The following TAFA2 variants were observed in gnomAD, a reference collection of about 807,000 sequenced individuals.
The protein encoded by TAFA2 is chemokine-like protein TAFA-2.
In TAFA2, 7 loss-of-function variants were observed where a neutral mutation model predicts 18.8. That is an observed-to-expected ratio of 0.37 (90% CI 0.21 to 0.70). The LOEUF (loss-of-function observed/expected upper bound fraction) is 0.70. Among genes scored for constraint, TAFA2 ranks in the 30% least tolerant of loss-of-function variants. TAFA2 has a pLI of 0.53. For missense variants in TAFA2, 122 were observed against 158.1 expected (o/e 0.77, Z 1.23); for synonymous variants, 60 against 54.2 (o/e 1.11, Z -0.47).
chr12:62,035,451 G>A (rs1474836989), intron 1 of TAFA2, among the ~76,000 whole-genome samples: 5 of 152,020 alleles, frequency 3.3e-5, no homozygotes, highest in Admixed American at 2.6e-4. Context: ...TTTGAGGAGT[G>A]CTATTCACTG....
At chr12:61,935,976 A>G (rs1877748475) in intron 1 of TAFA2, among the ~76,000 whole-genome samples, 1 of 152,170 alleles carries the variant, frequency 6.6e-6, no homozygotes, top group Admixed American at 6.5e-5. Context: ...AAGATTAATA[A>G]AGAGAGAATC....
chr12:62,086,400 G>T (rs1376270669), intron 1 of TAFA2, among the ~76,000 whole-genome samples: 2 of 152,018 alleles, frequency 1.3e-5, no homozygotes, highest in African/African-American at 4.8e-5. Context: ...TCATATACCT[G>T]ATAAGGGAAT....
chr12:62,021,197 C>A (rs937617670), intron 1 of TAFA2, among the ~76,000 whole-genome samples: 1 of 152,158 alleles, frequency 6.6e-6, no homozygotes, highest in Non-Finnish European at 1.5e-5. Context: ...TACAAGTAAT[C>A]TCATAATATT....
intron 1 of TAFA2, among the ~76,000 whole-genome samples, chr12:62,110,205 C>T (rs536043069): frequency 3.9e-5 from 6 of 152,224 alleles, no homozygotes; most frequent in South Asian, 2.1e-4. Flanking sequence ...TGAATTTTAT[C>T]GAAGGCCTTT....
At chr12:62,110,025 A>AGTG (rs1284719196) in intron 1 of TAFA2, among the ~76,000 whole-genome samples, 2 of 152,124 alleles carry the variant, frequency 1.3e-5, no homozygotes, top group African/African-American at 4.8e-5. Context: ...GTTGAATAGG[A>AGTG]GTGGTGAGAG....
intron 1 of TAFA2, among the ~76,000 whole-genome samples, chr12:62,209,343 C>T (rs1442711771): frequency 6.6e-6 from 1 of 152,212 alleles, no homozygotes; most frequent in African/African-American, 2.4e-5. Context: ...ACTTCTTCTT[C>T]CTGCTGCCTT....
chr12:62,027,190 G>A (rs769559512), intron 1 of TAFA2, among the ~76,000 whole-genome samples: 4 of 152,064 alleles, frequency 2.6e-5, no homozygotes, highest in Non-Finnish European at 5.9e-5. Flanking sequence ...GTTCTATGCT[G>A]GACCAAGGAT....
intron 1 of TAFA2, among the ~76,000 whole-genome samples, chr12:62,151,731 A>G (rs191057846): frequency 5.7e-4 from 87 of 152,354 alleles, no homozygotes; most frequent in African/African-American, 2.0e-3. Context: ...TCTTGTACAT[A>G]AAATAGAAAT....
intron 1 of TAFA2, among the ~76,000 whole-genome samples, chr12:62,133,854 T>C (rs1438457501): frequency 6.6e-6 from 1 of 152,084 alleles, no homozygotes; most frequent in Non-Finnish European, 1.5e-5. Context: ...GCTAGCTTCG[T>C]GGCTTTGCCA....
intron 1 of TAFA2, among the ~76,000 whole-genome samples, chr12:61,936,882 T>C (rs1276632702): frequency 6.6e-6 from 1 of 152,136 alleles, no homozygotes; most frequent in Non-Finnish European, 1.5e-5. Context: ...AAACTATCAC[T>C]GTTCACCAAT....
intron 2 of TAFA2, among the ~76,000 whole-genome samples, chr12:61,794,709 GC>G (rs1274617389): frequency 6.6e-6 from 1 of 151,590 alleles, no homozygotes. Context: ...GACATAAAAT[GC>G]CCCCAAAAAT....
At chr12:62,063,911 G>A (rs1334312995) in intron 1 of TAFA2, among the ~76,000 whole-genome samples, 1 of 150,924 alleles carries the variant, frequency 6.6e-6, no homozygotes, top group East Asian at 1.9e-4. Flanking sequence ...AAATAGATTG[G>A]ATAATCCTAA....
At chr12:61,881,828 C>T (rs1033117597) in intron 1 of TAFA2, among the ~76,000 whole-genome samples, 3 of 151,972 alleles carry the variant, frequency 2.0e-5, no homozygotes, top group Non-Finnish European at 2.9e-5. Flanking sequence ...AGCCTGGGGG[C>T]CACCAGGGTG....
chr12:62,032,842 T>TA (rs947024158), intron 1 of TAFA2, among the ~76,000 whole-genome samples: 3 of 152,108 alleles, frequency 2.0e-5, no homozygotes, highest in Non-Finnish European at 4.4e-5. Context: ...TCTACTTATC[T>TA]AAAAAAACTA....
chr12:61,879,234 G>A (rs11174210), intron 1 of TAFA2: 6,498 of 373,162 alleles, frequency 0.017, 103 homozygotes, highest in East Asian at 0.055. Flanking sequence ...TTAAAAGTCT[G>A]ATAATGAAGA....
intron 1 of TAFA2, among the ~76,000 whole-genome samples, chr12:62,238,437 A>G (rs1388396893): frequency 6.6e-6 from 1 of 152,176 alleles, no homozygotes; most frequent in African/African-American, 2.4e-5. Context: ...AGCACTTTCC[A>G]TGTGCCAGGC....
intron 1 of TAFA2, among the ~76,000 whole-genome samples, chr12:62,132,167 T>C (rs1413191547): frequency 6.6e-6 from 1 of 151,962 alleles, no homozygotes; most frequent in Non-Finnish European, 1.5e-5. Context: ...ATTAACTTCC[T>C]TTTTAAAATA....
intron 1 of TAFA2, among the ~76,000 whole-genome samples, chr12:61,924,385 GAT>G (rs770807931): frequency 2.0e-4 from 31 of 152,186 alleles, no homozygotes; most frequent in Non-Finnish European, 4.6e-4. Flanking sequence ...ACTAACAGCA[GAT>G]CTCTCTGCAG....
At chr12:61,811,341 A>G (rs1301472759) in intron 2 of TAFA2, among the ~76,000 whole-genome samples, 1 of 151,454 alleles carries the variant, frequency 6.6e-6, no homozygotes, top group African/African-American at 2.5e-5. Context: ...ATTAGTTGGC[A>G]GAGAAGGGAT....
Sources: gnomAD v4.1 joint callset for allele counts (sites outside exome capture counted in the v4.1 genomes callset) on GRCh38, gnomAD v4.1.1 for gene constraint, MANE v1.5 for transcripts, NCBI Gene and HGNC (gene_info 2026-07-23, HGNC 2026-07-21) for gene names.